The following MPHOSPH9 variants were observed in gnomAD, a reference collection of about 807,000 sequenced individuals.
MPHOSPH9 encodes the protein M-phase phosphoprotein 9.
A neutral mutation model predicts 145.5 loss-of-function variants in MPHOSPH9; 88 were observed. The observed-to-expected ratio is 0.60, with a 90% CI of 0.51 to 0.72. The LOEUF (loss-of-function observed/expected upper bound fraction) is 0.72. Among genes scored for constraint, MPHOSPH9 ranks in the 30% least tolerant of loss-of-function variants. MPHOSPH9 has a pLI of 0.00. For synonymous variants in MPHOSPH9, 435 were observed against 486.2 expected, an observed-to-expected ratio of 0.89 and a Z score of 1.39; for missense variants, 1,238 against 1,386.6, an observed-to-expected ratio of 0.89 and a Z score of 1.70.
At chr12:123,214,394 G>A (rs1173663451) in intron 7 of MPHOSPH9, among the ~76,000 whole-genome samples, 1 of 152,058 alleles carries the variant, frequency 6.6e-6, no homozygotes, top group Non-Finnish European at 1.5e-5. Context: ...ACAAAAGCTG[G>A]GCATGGTGAC....
intron 17 of MPHOSPH9, among the ~76,000 whole-genome samples, chr12:123,165,815 A>T (rs944349480): frequency 6.6e-6 from 1 of 152,186 alleles, no homozygotes; most frequent in African/African-American, 2.4e-5. Context: ...TAGAGAAAGA[A>T]ATGTGTGTTG....
chr12:123,232,889 A>C (rs2047724742), intron 1 of MPHOSPH9, 186 bp downstream of exon 1: 1 of 152,234 alleles, frequency 6.6e-6, no homozygotes, highest in South Asian at 2.1e-4. Context: ...AGTCTAGAAA[A>C]GGCGCACCGC....
chr12:123,176,583 G>T, intron 16 of MPHOSPH9, 105 bp downstream of exon 16: 2 of 794,964 alleles, frequency 2.5e-6, no homozygotes, highest in South Asian at 1.8e-5. Context: ...GTTCTGTAAT[G>T]ACATTTAACC....
chr12:123,163,371 G>A (rs1164721272), intron 19 of MPHOSPH9: 10 of 400,266 alleles, frequency 2.5e-5, no homozygotes, highest in Non-Finnish European at 4.3e-5. Flanking sequence ...CTCAAAACTG[G>A]TTTTTCAGGA....
chr12:123,234,649 G>T (rs2047809055), upstream of MPHOSPH9, among the ~76,000 whole-genome samples: 1 of 152,106 alleles, frequency 6.6e-6, no homozygotes, highest in African/African-American at 2.4e-5. Context: ...CTCCTGCCTC[G>T]GCCACCCAAA....
chr12:123,196,852 A>G (rs534152571), intron 12 of MPHOSPH9, among the ~76,000 whole-genome samples: 1 of 152,284 alleles, frequency 6.6e-6, no homozygotes, highest in Admixed American at 6.5e-5. Flanking sequence ...ATGTTACAAC[A>G]TGGATAAACC....
Position 123,213,819 on chromosome 12 carries a change from G to A in MPHOSPH9, c.1087+925C>T, listed in dbSNP as rs149162072. Among the ~76,000 whole-genome samples the A allele has an allele frequency of 2.7e-3, 414 of 152,298 alleles. 1 individual carries two copies. In the Middle Eastern group the frequency reaches 0.031, roughly 11 times the overall value. ...AGGGTTTGGAGAGGAGGAGTCACAT[G>A]ATGTGACTTAACTTTTCAGAGGATC... On this transcript the variant is annotated intron_variant, in intron 7 of 23. Transcript: ENST00000606320.
intron 15 of MPHOSPH9, 151 bp from the exon 16 acceptor site, chr12:123,176,940 C>T: frequency 1.6e-6 from 1 of 623,194 alleles, no homozygotes. Context: ...CCCTGTAATC[C>T]CAGCACTTTG....
At chr12:123,237,196 C>T (rs1314916641), upstream of MPHOSPH9, among the ~76,000 whole-genome samples, 1 of 152,178 alleles carries the variant, frequency 6.6e-6, no homozygotes, top group Non-Finnish European at 1.5e-5. Context: ...GTGGCTCACG[C>T]CTGTAATCCC....
At chr12:123,198,440 C>T in intron 11 of MPHOSPH9, 106 bp from the exon 12 acceptor site, 1 of 855,556 alleles carries the variant, frequency 1.2e-6, no homozygotes, top group Non-Finnish European at 1.8e-6. Flanking sequence ...ACAAATTCTC[C>T]AGTGTTAACT....
rs1203959018 is a variant in MPHOSPH9 at position 123,173,000 on chromosome 12, C to G, written c.2456+3688G>C. 3.3e-5 allele frequency among the ~76,000 whole-genome samples: 5 copies of G among 149,778 alleles called. No homozygotes were observed. In the East Asian group the frequency reaches 6.1e-4, roughly 18 times the overall value. On this transcript the variant is annotated intron_variant, in intron 16 of 23. Coordinates refer to ENST00000606320, the MANE Select transcript of MPHOSPH9 (RefSeq NM_022782.4). ...AGGTTGAAGTGATTCCTCAGCCTCC[C>G]GAGTAGCTGGGATTACAGGCCTGCA...
At chr12:123,175,433 G>A (rs934805387) in intron 16 of MPHOSPH9, among the ~76,000 whole-genome samples, 4 of 152,004 alleles carry the variant, frequency 2.6e-5, no homozygotes, top group East Asian at 1.9e-4. Context: ...GATTACAGGC[G>A]TGAGCCACGG....
chr12:123,163,490 C>T (rs1284801982), intron 19 of MPHOSPH9: 1 of 203,130 alleles, frequency 4.9e-6, no homozygotes, highest in Non-Finnish European at 9.8e-6. Flanking sequence ...AAATTCAGGA[C>T]AGGAATTCAA....
chr12:123,181,674 T>C (rs998120591), intron 13 of MPHOSPH9, among the ~76,000 whole-genome samples: 3 of 151,716 alleles, frequency 2.0e-5, no homozygotes, highest in Admixed American at 2.0e-4. Flanking sequence ...AAGGCTACAG[T>C]GTGCTATGAT....
intron 7 of MPHOSPH9, among the ~76,000 whole-genome samples, chr12:123,212,762 T>G: frequency 1.1e-5 from 1 of 93,914 alleles, no homozygotes; most frequent in East Asian, 4.7e-4. Context: ...CCTACAATGG[T>G]CGACTTTTTT....
chr12:123,211,684 C>CTTTTTTTTTTTTTTTTTTTTTTTT (rs147321517), intron 7 of MPHOSPH9, among the ~76,000 whole-genome samples: 4 of 67,758 alleles, frequency 5.9e-5, no homozygotes, highest in Non-Finnish European at 9.3e-5. Flanking sequence ...TAGACAATTT[C>CTTTTTTTTTTTTTTTTTTTTTTTT]TTTTTTTTTT....
At position 123,195,262 on chromosome 12, in the gene MPHOSPH9, A is replaced by G. The variant is rs542979505; in HGVS notation, c.2026-661T>C. On this transcript the variant is annotated intron_variant, in intron 12 of 23. Transcript: ENST00000606320. ...ACATCAACATTTAGGGAGGAGAAAA[A>G]CATTTCATACCCTCTCACTATGAAA... 4.6e-5 allele frequency among the ~76,000 whole-genome samples: 7 copies of G among 152,230 alleles called. No individual in the cohort carries two copies. In the East Asian group the frequency reaches 1.4e-3, roughly 29 times the overall value.
chr12:123,212,618 G>GA (rs1346139117), intron 7 of MPHOSPH9, among the ~76,000 whole-genome samples: 1 of 137,930 alleles, frequency 7.3e-6, no homozygotes, highest in Non-Finnish European at 1.5e-5. Context: ...GGCTGAGGCA[G>GA]AAAAATCACT....
intron 11 of MPHOSPH9, among the ~76,000 whole-genome samples, chr12:123,199,028 C>T (rs2046100768): frequency 6.6e-6 from 1 of 151,018 alleles, no homozygotes; most frequent in African/African-American, 2.4e-5. Context: ...TTTTTTGAGA[C>T]AGGATCTCAC....
Sources: allele counts gnomAD v4.1 joint callset (sites outside exome capture counted in the v4.1 genomes callset), GRCh38; gene constraint gnomAD v4.1.1; transcripts MANE v1.5; gene names NCBI Gene and HGNC (gene_info 2026-07-23, HGNC 2026-07-21).